AHCTF1: variants seen among roughly 807,000 people sequenced by gnomAD.
AHCTF1 encodes the protein protein ELYS.
In AHCTF1, 24 loss-of-function variants were observed where a neutral mutation model predicts 248.4. That is an observed-to-expected ratio of 0.10 (90% CI 0.07 to 0.14). The LOEUF is 0.14. Ranked by LOEUF, AHCTF1 falls within the 10% of genes least tolerant of loss-of-function variation. AHCTF1 has a pLI of 1.00. For synonymous variants in AHCTF1, 786 were observed against 929.8 expected, an observed-to-expected ratio of 0.85 and a Z score of 2.81; for missense variants, 2,206 against 2,636.2, an observed-to-expected ratio of 0.84 and a Z score of 3.57.
chr1:246,890,934 A>G (rs1174040418), intron 16 of AHCTF1, 22 bp downstream of exon 16: 1 of 1,416,988 alleles, frequency 7.1e-7, no homozygotes, highest in African/African-American at 1.5e-5. Context: ...ATTAATACTT[A>G]TAGATTAAGT....
chr1:246,864,458 C>G (rs542624831), intron 26 of AHCTF1, among the ~76,000 whole-genome samples: 2 of 152,268 alleles, frequency 1.3e-5, no homozygotes, highest in South Asian at 4.1e-4. Context: ...GAAAACAGGA[C>G]AAGGCTTCCC....
At chr1:246,926,978 T>C (rs577994202) in intron 1 of AHCTF1, among the ~76,000 whole-genome samples, 2 of 149,336 alleles carry the variant, frequency 1.3e-5, no homozygotes, top group South Asian at 2.1e-4. Context: ...ATCGAGACCA[T>C]CCTGGCTAAC....
Position 246,850,041 on chromosome 1 carries a change from T to C in AHCTF1, c.5965A>G (p.Lys1989Glu), listed in dbSNP as rs971299021. Residue 1989 changes from lysine (K) to glutamate (E), a missense_variant, in exon 33 of 36, where the codon AAG (lysine) becomes GAG (glutamate). Physicochemically the swap from Lys to Glu is moderately conservative, Grantham distance 56 (BLOSUM62 1). Transcript: ENST00000648844. ...KINPSEDVGS[K>E]AVKEERSPKK... ...GGGCTTCTCTCTTCCTTAACAGCCT[T>C]AGATCCTACATCTTCAGATGGATTG... is the stretch of plus-strand genomic sequence containing the variant. The C allele has an allele frequency of 1.2e-6, 2 of 1,613,946 alleles. No homozygotes were observed. The highest frequency in any genetic ancestry group is 1.1e-5 in the South Asian group (1 of 91,082).
chr1:246,843,730 A>G, intron 34 of AHCTF1, 65 bp downstream of exon 34: 4 of 1,009,160 alleles, frequency 4.0e-6, no homozygotes, highest in Admixed American at 1.1e-4. Flanking sequence ...TAATTTTATT[A>G]AAACATTTGT....
rs1157176786 is a variant in AHCTF1, at chr1:246,840,076, T to C, written c.*730A>G. ...CTCAATATCCATAAACAGATTTATT[T>C]TACATTTCCCTTTGTCAAACCCTTT... On this transcript the variant is annotated 3_prime_UTR_variant, in exon 36 of 36. Transcript: ENST00000648844. 1 of 152,658 alleles carries C rather than the reference T, an allele frequency of 6.6e-6. No individual in the cohort carries two copies. Among genetic ancestry groups the C allele is most frequent in the Admixed American group, 6.5e-5 (1 of 15,292 alleles). 9.5% of individuals were successfully genotyped at this position (152,658 alleles called of 1,614,324 possible). A position where few individuals can be genotyped will look rare whatever the true frequency, so the allele number is the denominator to read the frequency against.
intron 24 of AHCTF1, among the ~76,000 whole-genome samples, chr1:246,873,367 T>G (rs1248542587): frequency 1.3e-5 from 2 of 152,178 alleles, no homozygotes; most frequent in Non-Finnish European, 2.9e-5. Context: ...CTAGTCAATT[T>G]CTCCTGCATC....
chr1:246,869,145 G>T, intron 24 of AHCTF1, among the ~76,000 whole-genome samples: 1 of 151,464 alleles, frequency 6.6e-6, no homozygotes, highest in African/African-American at 2.4e-5. Flanking sequence ...GCCCGGCCGT[G>T]TGTTTTGTTT....
intron 26 of AHCTF1, among the ~76,000 whole-genome samples, chr1:246,865,029 C>T (rs1288305815): frequency 6.6e-6 from 1 of 152,100 alleles, no homozygotes; most frequent in Non-Finnish European, 1.5e-5. Flanking sequence ...AAAACTGATC[C>T]CACTGATTAC....
rs115821836 is a variant in AHCTF1, at chr1:246,897,301, G to A, written c.1623+907C>T. 2.9e-3 allele frequency among the ~76,000 whole-genome samples: 435 copies of A among 152,266 alleles called. 1 individual carries two copies. The highest frequency in any genetic ancestry group is 4.6e-3 in the Non-Finnish European group (312 of 68,022). On this transcript the variant is annotated intron_variant, in intron 12 of 35. Transcript: ENST00000648844. ...TGCACTCCAGTCTGGGCAACAGACC[G>A]AGATGCTGTCTCAAAAAAAATAAAG...
chr1:246,899,364 A>G lies in AHCTF1; in HGVS notation c.1494+87T>C, dbSNP rs753302170. ...CATTTAAGCTGAAACAACTGTCAAT[A>G]TCACTAAGTAAAACTTAAATCCATA... On this transcript the variant is annotated intron_variant, in intron 11 of 35. Coordinates refer to ENST00000648844, the MANE Select transcript of AHCTF1 (RefSeq NM_001323342.2). 1,669 of 1,117,868 alleles carry G rather than the reference A, an allele frequency of 1.5e-3. 4 individuals are homozygous for G. The highest frequency in any genetic ancestry group is 2.0e-3 in the Non-Finnish European group (1,532 of 773,518). The allele number at this position is 1,117,868 out of a possible 1,614,324, so 69.2% of individuals were successfully genotyped here.
rs1404410786 is a variant in AHCTF1, at chr1:246,849,868, T to C, written c.6138A>G (p.Lys2046=). The change falls in exon 33 of 36, where the codon AAA becomes AAG. Residue 2046 remains lysine, a synonymous_variant. Coordinates refer to ENST00000648844, the MANE Select transcript of AHCTF1 (RefSeq NM_001323342.2). ...EELSMVMSSK[K]KLTKKTESQS... ...GACTTTCAGTCTTTTTTGTAAGTTT[T>C]TTCTTAGAGCTCATCACCATCGAAA... 2.5e-6 allele frequency: 4 copies of C among 1,613,864 alleles called. No individual in the cohort carries two copies. In the South Asian group the frequency reaches 3.3e-5, roughly 13 times the overall value.
At chr1:246,915,127 C>G (rs1164893964) in intron 3 of AHCTF1, among the ~76,000 whole-genome samples, 3 of 152,006 alleles carry the variant, frequency 2.0e-5, no homozygotes, top group Non-Finnish European at 4.4e-5. Context: ...GTCAAGAGAT[C>G]GAGAGCAGCC....
At chr1:246,916,849 T>G (rs1002375438) in intron 2 of AHCTF1, among the ~76,000 whole-genome samples, 1 of 152,216 alleles carries the variant, frequency 6.6e-6, no homozygotes, top group Admixed American at 6.5e-5. Context: ...AACTCATGCT[T>G]TAACTACTAA....
intron 24 of AHCTF1, among the ~76,000 whole-genome samples, chr1:246,871,869 A>G (rs1005138690): frequency 6.6e-6 from 1 of 152,136 alleles, no homozygotes; most frequent in African/African-American, 2.4e-5. Flanking sequence ...GTTATTAAAA[A>G]ATAATAACAA....
intron 1 of AHCTF1, among the ~76,000 whole-genome samples, chr1:246,930,977 A>G (rs1221898656): frequency 6.6e-5 from 10 of 152,216 alleles, no homozygotes; most frequent in Admixed American, 6.5e-4. Flanking sequence ...CAGTGGCAAA[A>G]GAAACCGTCC....
intron 7 of AHCTF1, among the ~76,000 whole-genome samples, chr1:246,903,363 T>A (rs570661578): frequency 7.2e-4 from 110 of 152,286 alleles, no homozygotes; most frequent in Non-Finnish European, 1.2e-3. Context: ...AGTGGAATTA[T>A]TTTTCCTGGG....
At chr1:246,931,213 G>A (rs1238448908) in intron 1 of AHCTF1, 30 of 1,550,210 alleles carry the variant, frequency 1.9e-5, no homozygotes, top group Admixed American at 7.8e-5. Context: ...GGAAAGGCCC[G>A]CCAACGAGTC....
chr1:246,927,779 C>T (rs1455184693), intron 1 of AHCTF1, among the ~76,000 whole-genome samples: 2 of 152,074 alleles, frequency 1.3e-5, no homozygotes, highest in Non-Finnish European at 2.9e-5. Context: ...CCGAGGCTGG[C>T]GGATCACAAG....
chr1:246,922,834 A>AGT (rs1666649106), intron 1 of AHCTF1, among the ~76,000 whole-genome samples: 5 of 151,070 alleles, frequency 3.3e-5, no homozygotes, highest in Non-Finnish European at 7.4e-5. Context: ...TACAAAAAAA[A>AGT]TAGCCGGGCG....
Sources: gnomAD v4.1 joint callset for allele counts (sites outside exome capture counted in the v4.1 genomes callset) on GRCh38, gnomAD v4.1.1 for gene constraint, MANE v1.5 for transcripts, NCBI Gene and HGNC (gene_info 2026-07-23, HGNC 2026-07-21) for gene names.